The following CDH20 variants were observed in gnomAD, a reference collection of about 807,000 sequenced individuals.
CDH20 encodes the protein cadherin 20.
In CDH20, 29 loss-of-function variants were observed where a neutral mutation model predicts 74.2. The observed-to-expected ratio is 0.39, with a 90% CI of 0.29 to 0.53. CDH20 has a LOEUF of 0.53. Ranked by LOEUF, CDH20 falls within the 20% of genes least tolerant of loss-of-function variation. The pLI, the probability that CDH20 is intolerant of heterozygous loss-of-function variation, is 0.69. For synonymous variants in CDH20, 469 were observed against 405.4 expected (o/e 1.16, Z -1.88); for missense variants, 988 against 1,048.3 (o/e 0.94, Z 0.79).
chr18:61,524,063 T>C (rs1377236487), intron 6 of CDH20, among the ~76,000 whole-genome samples: 1 of 151,798 alleles, frequency 6.6e-6, no homozygotes. Context: ...AGTATAATAA[T>C]AATAATAATA....
At chr18:61,490,951 C>T (rs1910940049) in intron 2 of CDH20, 152 bp downstream of exon 2, 1 of 796,120 alleles carries the variant, frequency 1.3e-6, no homozygotes, top group Non-Finnish European at 2.0e-6. Context: ...GTAACTTCTG[C>T]TTTGTCAGAG....
At chr18:61,501,108 C>CCCACCA (rs1052284860) in intron 4 of CDH20, among the ~76,000 whole-genome samples, 1 of 152,116 alleles carries the variant, frequency 6.6e-6, no homozygotes. Context: ...GGAGGAAAGA[C>CCCACCA]CAGGTGGGAT....
intron 1 of CDH20, among the ~76,000 whole-genome samples, chr18:61,484,297 G>C (rs1195346793): frequency 6.6e-6 from 1 of 152,176 alleles, no homozygotes; most frequent in East Asian, 1.9e-4. Context: ...TGTAGTCAGA[G>C]AAATTGCCCA....
In CDH20 at chr18:61,500,390, C is replaced by T. The variant is rs145920224; in HGVS notation, c.549C>T (p.Ser183=). The change falls in exon 4 of 12, where the codon TCC becomes TCT. Residue 183 remains serine (S), a synonymous_variant. Coordinates refer to ENST00000262717, the MANE Select transcript of CDH20 (RefSeq NM_031891.4). ...ACCTCTTCTCTTCCCCAGGTACCTC[C>T]GTCATCCAAGTGACAGCCACAGATG... ...TVPEMSPVGT[S]VIQVTATDAD... is the part of the protein sequence containing the mutation. 1,060 of 1,611,958 alleles carry T rather than the reference C, an allele frequency of 6.6e-4. 10 individuals are homozygous for T. In the East Asian group the frequency reaches 0.021, roughly 32 times the overall value.
At chr18:61,515,384 A>T (rs1264853612) in intron 6 of CDH20, among the ~76,000 whole-genome samples, 1 of 151,790 alleles carries the variant, frequency 6.6e-6, no homozygotes, top group Non-Finnish European at 1.5e-5. Context: ...GCACCCACTG[A>T]CCTGCGCCCA....
At chr18:61,533,249 A>AGTGAGTTT (rs377080288) in intron 7 of CDH20, among the ~76,000 whole-genome samples, 49 of 152,324 alleles carry the variant, frequency 3.2e-4, no homozygotes, top group African/African-American at 1.1e-3. Context: ...TTGAGGCTGC[A>AGTGAGTTT]GTGAGTTTGG....
intron 6 of CDH20, among the ~76,000 whole-genome samples, chr18:61,522,171 C>T (rs1266688927): frequency 2.0e-5 from 3 of 152,170 alleles, no homozygotes; most frequent in Non-Finnish European, 4.4e-5. Flanking sequence ...TAGAAAACCC[C>T]ATCATCTCAG....
chr18:61,359,210 A>G (rs1910604138), intron 1 of CDH20, among the ~76,000 whole-genome samples: 3 of 152,196 alleles, frequency 2.0e-5, no homozygotes, highest in African/African-American at 4.8e-5. Context: ...TTCCATCTAC[A>G]TTTTGCATTC....
rs1910433993 is a variant in CDH20, at chr18:61,477,514, C to T, written c.-152-12888C>T. On this transcript the variant is annotated intron_variant, in intron 1 of 11. Coordinates refer to ENST00000262717, the MANE Select transcript of CDH20 (RefSeq NM_031891.4). ...AACAATGTTAGAAATTGATAATAAA[C>T]AGCGTTCTTGAGAACAGGTTTAAAA... Among the ~76,000 whole-genome samples the T allele has an allele frequency of 2.6e-5, 4 of 152,298 alleles. No individual in the cohort carries two copies. In the South Asian group the frequency reaches 6.2e-4, roughly 24 times the overall value.
At chr18:61,383,952 T>C (rs916602064) in intron 1 of CDH20, among the ~76,000 whole-genome samples, 2 of 152,076 alleles carry the variant, frequency 1.3e-5, no homozygotes, top group Admixed American at 1.3e-4. Context: ...ATATATGAGA[T>C]TGCCAGATCT....
chr18:61,408,306 G>A (rs1476966327), intron 1 of CDH20, among the ~76,000 whole-genome samples: 1 of 152,134 alleles, frequency 6.6e-6, no homozygotes, highest in Non-Finnish European at 1.5e-5. Flanking sequence ...CAGTACTGGT[G>A]TATCTACTGA....
chr18:61,402,313 G>A (rs1315070916), intron 1 of CDH20, among the ~76,000 whole-genome samples: 2 of 152,008 alleles, frequency 1.3e-5, no homozygotes, highest in African/African-American at 4.8e-5. Context: ...CTGTAACTTG[G>A]GCCTCAGCAA....
intron 8 of CDH20, among the ~76,000 whole-genome samples, chr18:61,538,625 G>T (rs7238760): frequency 0.92 from 49,110 of 53,382 alleles, 22,590 homozygotes; most frequent in Non-Finnish European, 0.97. Flanking sequence ...TTTTTGTTTT[G>T]TTTTTTTTTT....
In CDH20 at chr18:61,544,002, A is replaced by G. The variant is rs201266651; in HGVS notation, c.1531-1025A>G. On this transcript the variant is annotated intron_variant, in intron 9 of 11. Coordinates refer to ENST00000262717, the MANE Select transcript of CDH20 (RefSeq NM_031891.4). ...AAACGGCTGGCCGTGGTGGAAGAAT[A>G]TATGTTATTTTGATGTCTAACATCT... is the stretch of plus-strand genomic sequence containing the variant. 1.4e-4 allele frequency among the ~76,000 whole-genome samples: 22 copies of G among 152,346 alleles called. 1 individual carries two copies. In the East Asian group the frequency reaches 2.3e-3, roughly 16 times the overall value.
At chr18:61,481,639 C>A (rs939829562) in intron 1 of CDH20, among the ~76,000 whole-genome samples, 4 of 152,138 alleles carry the variant, frequency 2.6e-5, no homozygotes, top group African/African-American at 9.7e-5. Context: ...TTGCCCCTTT[C>A]TTTTGTTTTC....
rs200142435 is a variant in CDH20, at chr18:61,548,014, A to AT, written c.1649-1963dup. Reference sequence around the variant, plus strand: ...ACCTCACCTGGATTAAACCAAAAAAATAAAAAAAAAGTTCTGATTAGAGAA... The same window carrying AT: ...ACCTCACCTGGATTAAACCAAAAAAATTAAAAAAAAAGTTCTGATTAGAGAA... On this transcript the variant is annotated intron_variant, in intron 10 of 11. Transcript: ENST00000262717. Among the ~76,000 whole-genome samples the AT allele has an allele frequency of 3.9e-5, 6 of 152,210 alleles. No homozygotes were observed. The East Asian group carries it at 7.7e-4, about 20-fold the overall frequency.
chr18:61,549,560 T>C (rs185930757), intron 10 of CDH20, among the ~76,000 whole-genome samples: 86 of 152,314 alleles, frequency 5.6e-4, no homozygotes, highest in African/African-American at 2.0e-3. Flanking sequence ...CTCAGCATTC[T>C]TTTCCTGGAG....
intron 1 of CDH20, among the ~76,000 whole-genome samples, chr18:61,427,257 C>T (rs934356005): frequency 6.6e-6 from 1 of 152,046 alleles, no homozygotes; most frequent in Non-Finnish European, 1.5e-5. Context: ...GTGGCAGGCC[C>T]CATTCTGTTT....
In CDH20 at chr18:61,339,360, T is replaced by TACACACACAC. The variant is rs35630137; in HGVS notation, c.-153+5555_-153+5564dup. Among the ~76,000 whole-genome samples, 132 of 145,938 alleles carry TACACACACAC rather than the reference T, an allele frequency of 9.0e-4. 1 individual carries two copies. The highest frequency in any genetic ancestry group is 3.2e-3 in the African/African-American group (126 of 39,916). On this transcript the variant is annotated intron_variant, in intron 1 of 11. Coordinates refer to ENST00000262717, the MANE Select transcript of CDH20 (RefSeq NM_031891.4). ...TCAAGGGGTACATGTGCAAGTTTATTACACACACACACACACACACACACA... is the reference window on the plus strand; with the variant it reads ...TCAAGGGGTACATGTGCAAGTTTATTACACACACACACACACACACACACACACACACACA...
Sources: allele counts gnomAD v4.1 joint callset (sites outside exome capture counted in the v4.1 genomes callset), GRCh38; gene constraint gnomAD v4.1.1; transcripts MANE v1.5; gene names NCBI Gene and HGNC (gene_info 2026-07-23, HGNC 2026-07-21).